Variants in MYH13 observed in about 807,000 individuals in gnomAD.
The protein encoded by MYH13 is myosin heavy chain 13.
In MYH13, 177 loss-of-function variants were observed where a neutral mutation model predicts 232.1. The observed-to-expected ratio is 0.76, with a 90% CI of 0.67 to 0.86. The LOEUF is 0.86. MYH13 is among the 40% of genes least tolerant of loss of function. MYH13 has a pLI of 0.00. For synonymous variants in MYH13, 884 were observed against 923.5 expected (o/e 0.96, Z 0.78); for missense variants, 2,246 against 2,405.9 (o/e 0.93, Z 1.39).
At chr17:10,363,681 G>C (rs1440100603) in intron 3 of MYH13, among the ~76,000 whole-genome samples, 1 of 152,142 alleles carries the variant, frequency 6.6e-6, no homozygotes, top group Non-Finnish European at 1.5e-5. Context: ...CTGAGGCGGT[G>C]GTGAGGGCAC....
At chr17:10,314,680 A>G (rs766382455) in intron 29 of MYH13, among the ~76,000 whole-genome samples, 2 of 152,210 alleles carry the variant, frequency 1.3e-5, no homozygotes, top group Non-Finnish European at 2.9e-5. Context: ...TTGCCCTATA[A>G]GTCTTAGCCA....
chr17:10,309,673 A>G lies in MYH13; in HGVS notation c.4814T>C (p.Leu1605Pro), dbSNP rs1229439527. The change falls in exon 34 of 41, where the codon CTG (leucine) becomes CCG (proline). Residue 1605 changes from leucine (L) to proline (P), a missense_variant. Leu to Pro is a moderately conservative substitution (Grantham distance 98). Coordinates refer to ENST00000252172, the MANE Select transcript of MYH13 (RefSeq NM_003802.3). ...QRAAEALQSV[L>P]DAEIRSRNDA... ...GTTCCGGCTGCGGATTTCAGCATCCAGCACGCTCTGCAGGGCCTCTGCTGC... is the reference window on the plus strand; with the variant it reads ...GTTCCGGCTGCGGATTTCAGCATCCGGCACGCTCTGCAGGGCCTCTGCTGC... 1.2e-6 allele frequency: 2 copies of G among 1,610,406 alleles called. No homozygotes were observed. The highest frequency in any genetic ancestry group is 1.7e-5 in the Admixed American group (1 of 59,542).
At chr17:10,356,287 G>A (rs1375219919) in intron 8 of MYH13, among the ~76,000 whole-genome samples, 3 of 152,116 alleles carry the variant, frequency 2.0e-5, no homozygotes, top group South Asian at 2.1e-4. Context: ...TATATTTAGC[G>A]GCTTAACAGA....
chr17:10,319,828 G>A (rs1459976365), intron 26 of MYH13, among the ~76,000 whole-genome samples: 2 of 152,146 alleles, frequency 1.3e-5, no homozygotes, highest in African/African-American at 4.8e-5. Flanking sequence ...AGCAAAAGAG[G>A]CAGAAAGATG....
intron 32 of MYH13, among the ~76,000 whole-genome samples, chr17:10,311,587 T>C (rs779460986): frequency 4.6e-5 from 7 of 152,136 alleles, no homozygotes; most frequent in South Asian, 2.1e-4. Context: ...AGATCAGAAA[T>C]CTGAGGTCCT....
At chr17:10,303,362 G>A in intron 38 of MYH13, 32 bp downstream of exon 38, 1 of 1,611,316 alleles carries the variant, frequency 6.2e-7, no homozygotes. Flanking sequence ...GGTCCATACA[G>A]CATTCACTGA....
chr17:10,339,310 A>C (rs2071602838), intron 18 of MYH13, among the ~76,000 whole-genome samples: 1 of 152,220 alleles, frequency 6.6e-6, no homozygotes, highest in Non-Finnish European at 1.5e-5. Flanking sequence ...ATGAAGTGAC[A>C]GTTAAAGGAG....
At chr17:10,360,329 T>C in intron 5 of MYH13, 141 bp from the exon 6 acceptor site, 2 of 1,012,540 alleles carry the variant, frequency 2.0e-6, no homozygotes, top group Non-Finnish European at 2.9e-6. Context: ...TGGGCATGTC[T>C]AATCTTCTTT....
rs1392443010 is a variant in MYH13 at position 10,358,028 on chromosome 17, T to C, written c.646-201A>G. Among the ~76,000 whole-genome samples, 4 of 152,036 alleles carry C rather than the reference T, an allele frequency of 2.6e-5. No individual in the cohort carries two copies. The East Asian group carries it at 7.7e-4, about 29-fold the overall frequency. ...AGGTACCATCTTAGACAGGTTCTTA[T>C]TAGCATAGCATTGAAGTGACTTCTG... On this transcript the variant is annotated intron_variant, in intron 7 of 40. Coordinates refer to ENST00000252172, the MANE Select transcript of MYH13 (RefSeq NM_003802.3).
intron 2 of MYH13, among the ~76,000 whole-genome samples, chr17:10,365,798 A>G (rs2071830474): frequency 6.6e-6 from 1 of 151,334 alleles, no homozygotes; most frequent in Non-Finnish European, 1.5e-5. Context: ...TGTGACAAAT[A>G]TTGTTTAGTT....
chr17:10,354,490 T>C (rs2071733303), intron 11 of MYH13, among the ~76,000 whole-genome samples, 190 bp downstream of exon 11: 1 of 152,204 alleles, frequency 6.6e-6, no homozygotes, highest in Non-Finnish European at 1.5e-5. Context: ...CATTTTGGAA[T>C]GCTGTGAGGT....
intron 14 of MYH13, 35 bp from the exon 15 acceptor site, chr17:10,345,407 C>T: frequency 6.2e-7 from 1 of 1,614,170 alleles, no homozygotes; most frequent in Non-Finnish European, 8.5e-7. Context: ...TTTGAGTGAG[C>T]TTGGAAAATA....
At chr17:10,364,627 G>GA in intron 2 of MYH13, 85 bp from the exon 3 acceptor site, 1 of 1,195,220 alleles carries the variant, frequency 8.4e-7, no homozygotes, top group Non-Finnish European at 1.2e-6. Context: ...TATTAAAACG[G>GA]GGCCAGATTC....
At chr17:10,363,631 C>A (rs570376721) in intron 3 of MYH13, among the ~76,000 whole-genome samples, 2 of 152,134 alleles carry the variant, frequency 1.3e-5, no homozygotes, top group Admixed American at 6.5e-5. Flanking sequence ...GTGAGTCCCC[C>A]GTGTAGTGCT....
rs1458368679 is a variant in MYH13 at position 10,306,836 on chromosome 17, G to C, written c.5295+103C>G. The C allele has an allele frequency of 4.4e-6, 7 of 1,578,396 alleles. No individual in the cohort carries two copies. The East Asian group carries it at 1.6e-4, about 35-fold the overall frequency. On this transcript the variant is annotated intron_variant, in intron 36 of 40. Transcript: ENST00000252172. The surrounding 1 kb of genome is among the most constrained non-coding windows in gnomAD (Gnocchi z 4.3). ...TCTGTCTGGGAAGCCACCACTAACC[G>C]ATTGTTGTCATAAGAGATGAAACAT...
At chr17:10,354,179 G>A (rs145083427) in intron 11 of MYH13, among the ~76,000 whole-genome samples, 415 of 152,240 alleles carry the variant, frequency 2.7e-3, no homozygotes, top group African/African-American at 9.5e-3. Context: ...AATCCTACAG[G>A]TACTTCCCCA....
intron 29 of MYH13, among the ~76,000 whole-genome samples, chr17:10,314,145 C>A (rs150985714): frequency 3.9e-5 from 6 of 152,184 alleles, no homozygotes; most frequent in African/African-American, 9.7e-5. Flanking sequence ...ATAGACCAAG[C>A]GTGGTGGCTC....
rs772439555 is a variant in MYH13 at position 10,350,754 on chromosome 17, TCTTGGCAAAGAC to T, written c.1006-72_1006-61del. 2.5e-6 allele frequency: 4 copies of T among 1,604,124 alleles called. No homozygotes were observed. In the Middle Eastern group the frequency reaches 5.0e-4, roughly 199 times the overall value. On this transcript the variant is annotated intron_variant, in intron 11 of 40. Coordinates refer to ENST00000252172, the MANE Select transcript of MYH13 (RefSeq NM_003802.3). ...AATCAGGGATCCATATGCAGCCTTT[TCTTGGCAAAGAC>T]CTTACCTCTTTTTTGTATAGCATAT...
intron 1 of MYH13, among the ~76,000 whole-genome samples, chr17:10,371,608 C>A (rs113925312): frequency 0.034 from 5,136 of 152,152 alleles, 83 homozygotes; most frequent in Non-Finnish European, 0.043. Flanking sequence ...TCAAGTAAGT[C>A]TTTGAACAGG....
Sources: allele counts gnomAD v4.1 joint callset (sites outside exome capture counted in the v4.1 genomes callset), GRCh38; gene constraint gnomAD v4.1.1; non-coding constraint Gnocchi (gnomAD v3.1); transcripts MANE v1.5; gene names NCBI Gene and HGNC (gene_info 2026-07-23, HGNC 2026-07-21).